UGT2B7: variants seen among roughly 807,000 people sequenced by gnomAD.
UGT2B7 encodes the protein UDP glucuronosyltransferase family 2 member B7.
A neutral mutation model predicts 51.9 loss-of-function variants in UGT2B7; 51 were observed. That is an observed-to-expected ratio of 0.98 (90% CI 0.78 to 1.24). The LOEUF (loss-of-function observed/expected upper bound fraction) is 1.24. Ranked by LOEUF, UGT2B7 falls within the 50% of genes most tolerant of loss-of-function variation. The pLI is 0.00. For synonymous variants in UGT2B7, 225 were observed against 211.6 expected (o/e 1.06, Z -0.55); for missense variants, 727 against 628.4 (o/e 1.16, Z -1.68).
intron 1 of UGT2B7, among the ~76,000 whole-genome samples, chr4:69,083,614 C>A (rs4540108): frequency 6.6e-6 from 1 of 151,844 alleles, no homozygotes; most frequent in African/African-American, 2.4e-5. Context: ...CATGGCTAAA[C>A]CTATTCCTAC....
Position 69,108,228 on chromosome 4 carries a change from A to C in UGT2B7, c.1216A>C (p.Met406Leu), listed in dbSNP as rs763316866. 8.7e-6 allele frequency: 14 copies of C among 1,613,702 alleles called. No homozygotes were observed. The Admixed American group carries it at 2.2e-4, about 25-fold the overall frequency. The stretch of plus-strand genomic sequence containing the variant: ...CGATCAACCTGATAACATTGCTCAC[A>C]TGAAGGCCAGGGGAGCAGCTGTTAG... ...FADQPDNIAH[M>L]KARGAAVRVD... is the part of the protein sequence containing the mutation. Residue 406 changes from methionine (M) to leucine (L), a missense_variant, in exon 5 of 6, where the codon ATG becomes CTG. Transcript: ENST00000305231.
At chr4:69,097,340 G>A (rs528100451) in intron 1 of UGT2B7, 99 bp downstream of exon 1, 7 of 1,383,894 alleles carry the variant, frequency 5.1e-6, no homozygotes, top group African/African-American at 1.5e-5. Context: ...GTGGGGTTTT[G>A]GTAAGTGAAT....
At chr4:69,092,282 A>T (rs1312416674), upstream of UGT2B7, among the ~76,000 whole-genome samples, 1 of 152,192 alleles carries the variant, frequency 6.6e-6, no homozygotes, top group Non-Finnish European at 1.5e-5. Flanking sequence ...TCATCTGGTA[A>T]TGGAAGGTAA....
At chr4:69,052,075 A>G (rs1718033140) in intron 1 of UGT2B7, among the ~76,000 whole-genome samples, 1 of 152,148 alleles carries the variant, frequency 6.6e-6, no homozygotes, top group African/African-American at 2.4e-5. Flanking sequence ...AATGGAGACT[A>G]TGGAGTCACT....
At chr4:69,100,229 T>C (rs1479644519) in intron 2 of UGT2B7, among the ~76,000 whole-genome samples, 1 of 152,022 alleles carries the variant, frequency 6.6e-6, no homozygotes, top group Non-Finnish European at 1.5e-5. Flanking sequence ...ACAGAGATAA[T>C]GAACAATGCA....
intron 1 of UGT2B7, among the ~76,000 whole-genome samples, chr4:69,064,112 A>AGAGAGAGAGAAAGAAAG (rs1718433031): frequency 4.6e-5 from 4 of 86,840 alleles, no homozygotes; most frequent in South Asian, 4.0e-4. Flanking sequence ...GAAAGAAAGA[A>AGAGAGAGAGAAAGAAAG]AAAGAAAGAA....
At chr4:69,074,675 A>G (rs1718666268) in intron 1 of UGT2B7, among the ~76,000 whole-genome samples, 2 of 151,842 alleles carry the variant, frequency 1.3e-5, no homozygotes, top group Admixed American at 6.6e-5. Flanking sequence ...TTACACACAC[A>G]TTTTATTATT....
At chr4:69,064,709 T>A (rs757175515) in intron 1 of UGT2B7, among the ~76,000 whole-genome samples, 3 of 152,198 alleles carry the variant, frequency 2.0e-5, no homozygotes, top group Non-Finnish European at 4.4e-5. Context: ...AATCTCTGGA[T>A]GTTAAGTCAG....
intron 2 of UGT2B7, among the ~76,000 whole-genome samples, chr4:69,091,318 G>T (rs1170072312): frequency 1.3e-5 from 2 of 151,896 alleles, no homozygotes; most frequent in Non-Finnish European, 2.9e-5. Context: ...AAACCACCTT[G>T]TACCTTTGGG....
Position 69,096,861 on chromosome 4 carries a change from A to G in UGT2B7, c.341A>G (p.Glu114Gly). 6.2e-7 allele frequency: 1 copy of G among 1,613,608 alleles called. No homozygotes were observed. The highest frequency in any genetic ancestry group is 8.5e-7 in the Non-Finnish European group (1 of 1,179,836). Residue 114 changes from glutamate to glycine, a missense_variant, in exon 1 of 6, where the codon GAA (glutamate) becomes GGA (glycine). Glu to Gly is a moderately conservative substitution (Grantham distance 98). Coordinates refer to ENST00000305231, the MANE Select transcript of UGT2B7 (RefSeq NM_001074.4). ...TFWLYFSQVQ[E>G]IMSIFGDITR... Reference sequence around the variant, plus strand: ...TGGTTATATTTTTCACAAGTACAGGAAATCATGTCAATATTTGGTGACATA... The same window carrying G: ...TGGTTATATTTTTCACAAGTACAGGGAATCATGTCAATATTTGGTGACATA...
At chr4:69,063,010 C>G (rs1430328835) in intron 1 of UGT2B7, among the ~76,000 whole-genome samples, 1 of 152,088 alleles carries the variant, frequency 6.6e-6, no homozygotes, top group Non-Finnish European at 1.5e-5. Flanking sequence ...ATTAGGATGC[C>G]GTCACTGCAT....
rs142158304 is a variant in UGT2B7, at chr4:69,096,686, C to G, written c.166C>G (p.Leu56Val). 104 of 1,613,912 alleles carry G rather than the reference C, an allele frequency of 6.4e-5. No homozygotes were observed. Among genetic ancestry groups the G allele is most frequent in the Non-Finnish European group, 8.4e-5 (99 of 1,179,948 alleles). Reference sequence around the variant, plus strand: ...TCAGAGAGGTCATGAGGTGACTGTACTGGCATCTTCAGCTTCCATTCTTTT... The same window carrying G: ...TCAGAGAGGTCATGAGGTGACTGTAGTGGCATCTTCAGCTTCCATTCTTTT... ...LIQRGHEVTV[L>V]ASSASILFDP... Residue 56 changes from leucine to valine, a missense_variant, in exon 1 of 6, where the codon CTG becomes GTG. Transcript: ENST00000305231.
intron 1 of UGT2B7, among the ~76,000 whole-genome samples, chr4:69,070,524 C>G (rs1718578725): frequency 6.6e-6 from 1 of 150,668 alleles, no homozygotes; most frequent in South Asian, 2.1e-4. Flanking sequence ...GGGACAGACA[C>G]TACAGTATGA....
chr4:69,058,729 G>A (rs1718273622), intron 1 of UGT2B7, among the ~76,000 whole-genome samples: 1 of 152,064 alleles, frequency 6.6e-6, no homozygotes, highest in African/African-American at 2.4e-5. Flanking sequence ...GTTTATTGAA[G>A]TGGCCACAAG....
At chr4:69,082,062 T>A (rs1718849876) in intron 1 of UGT2B7, among the ~76,000 whole-genome samples, 1 of 152,066 alleles carries the variant, frequency 6.6e-6, no homozygotes, top group East Asian at 1.9e-4. Context: ...CTGTGATTGG[T>A]GATTTTTCAT....
Position 69,106,244 on chromosome 4 carries a change from A to G in UGT2B7, c.1003-931A>G, listed in dbSNP as rs529784770. Among the ~76,000 whole-genome samples the G allele has an allele frequency of 7.2e-5, 11 of 151,976 alleles. No homozygotes were observed. In the South Asian group the frequency reaches 2.1e-3, roughly 29 times the overall value. ...TAAAATCAGTTAATTATTTTTCCTG[A>G]TCCTCCCACCCTCCACCCTCCAATA... On this transcript the variant is annotated intron_variant, in intron 3 of 5. Transcript: ENST00000305231.
At chr4:69,055,647 C>T (rs1202300366) in intron 1 of UGT2B7, among the ~76,000 whole-genome samples, 2 of 152,120 alleles carry the variant, frequency 1.3e-5, no homozygotes, top group South Asian at 2.1e-4. Context: ...CCAGTCTCTA[C>T]AAGTCACTTC....
chr4:69,072,520 T>C (rs1400862875), intron 1 of UGT2B7, among the ~76,000 whole-genome samples: 1 of 152,248 alleles, frequency 6.6e-6, no homozygotes, highest in Non-Finnish European at 1.5e-5. Flanking sequence ...CAGAATGCAA[T>C]GTTTCTTAAA....
intron 1 of UGT2B7, among the ~76,000 whole-genome samples, chr4:69,085,456 C>G (rs1718929344): frequency 6.6e-6 from 1 of 152,068 alleles, no homozygotes; most frequent in Non-Finnish European, 1.5e-5. Flanking sequence ...TCAGCAGAAG[C>G]TCTTTAGTTT....
Sources: gnomAD v4.1 joint callset for allele counts (sites outside exome capture counted in the v4.1 genomes callset) on GRCh38, gnomAD v4.1.1 for gene constraint, MANE v1.5 for transcripts, NCBI Gene and HGNC (gene_info 2026-07-23, HGNC 2026-07-21) for gene names.